The following SLC4A8 variants were observed in gnomAD, a reference collection of about 807,000 sequenced individuals.
SLC4A8 encodes the protein solute carrier family 4 member 8.
A neutral mutation model predicts 125.0 loss-of-function variants in SLC4A8; 40 were observed. The observed-to-expected ratio is 0.32, with a 90% confidence interval of 0.25 to 0.42. The LOEUF is 0.42. Among genes scored for constraint, SLC4A8 ranks in the 10% least tolerant of loss-of-function variants. The probability of loss-of-function intolerance (pLI) is 1.00; values close to 1 mark genes in which losing one functional copy is unlikely to be tolerated. For missense variants in SLC4A8, 863 were observed against 1,355.1 expected (o/e 0.64, Z 5.70); for synonymous variants, 456 against 476.0 (o/e 0.96, Z 0.55).
At chr12:51,416,918 A>G (rs1169309184) in intron 1 of SLC4A8, among the ~76,000 whole-genome samples, 4 of 152,118 alleles carry the variant, frequency 2.6e-5, no homozygotes, top group Non-Finnish European at 5.9e-5. Context: ...TGAGCTCAGG[A>G]GTTCAAAACC....
At chr12:51,400,853 C>T (rs1330384239) in intron 1 of SLC4A8, among the ~76,000 whole-genome samples, 8 of 125,654 alleles carry the variant, frequency 6.4e-5, no homozygotes, top group East Asian at 2.3e-4. Flanking sequence ...TGTTTATATA[C>T]GTATATAAAC....
chr12:51,505,563 G>A (rs980217438), intron 23 of SLC4A8, among the ~76,000 whole-genome samples: 1 of 152,196 alleles, frequency 6.6e-6, no homozygotes, highest in Non-Finnish European at 1.5e-5. Context: ...GAGGCCCTTC[G>A]GAGGAGTGCA....
chr12:51,497,014 G>C lies in SLC4A8; in HGVS notation c.2971G>C (p.Val991Leu). ...MVLALVFVRK[V>L]MDLCFSKREL... ...TTTGGCCTTGGTCTTTGTCAGGAAA[G>C]TCATGGATCTCTGTTTCTCTAAGCG... Residue 991 changes from valine to leucine, a missense_variant, in exon 22 of 25, where the codon GTC (valine) becomes CTC (leucine). Around this residue, in one of 6 missense-constraint regions of SLC4A8, gnomAD observed 92 missense variants for 125.6 expected, o/e 0.73. Transcript: ENST00000453097. 1 of 1,613,918 alleles carries C rather than the reference G, an allele frequency of 6.2e-7. No homozygotes were observed. The highest frequency in any genetic ancestry group is 1.1e-5 in the South Asian group (1 of 91,046).
rs1950272839 is a variant in SLC4A8, at chr12:51,459,996, T to G, written c.901T>G (p.Ser301Ala). The G allele has an allele frequency of 1.2e-6, 2 of 1,613,648 alleles. No homozygotes were observed. The highest frequency in any genetic ancestry group is 1.7e-6 in the Non-Finnish European group (2 of 1,179,506). ...AAAAATTCCTACTGGGGCCGAGGCC[T>G]CCAATGTCCTGGTTGGAGAGGTGGA... ...MKKIPTGAEA[S>A]NVLVGEVDIL... Residue 301 changes from serine (S) to alanine (A), a missense_variant, in exon 8 of 25, where the codon TCC (serine) becomes GCC (alanine). Coordinates refer to ENST00000453097, the MANE Select transcript of SLC4A8 (RefSeq NM_001039960.3).
intron 1 of SLC4A8, among the ~76,000 whole-genome samples, chr12:51,430,967 C>G (rs558629745): frequency 6.6e-6 from 1 of 152,324 alleles, no homozygotes; most frequent in Admixed American, 6.5e-5. Flanking sequence ...TCCTACAGTT[C>G]TATAGTTCAG....
chr12:51,489,087 A>G (rs1303472536), intron 18 of SLC4A8, among the ~76,000 whole-genome samples: 2 of 152,178 alleles, frequency 1.3e-5, no homozygotes, highest in Non-Finnish European at 2.9e-5. Flanking sequence ...ACCTGTGGGG[A>G]AGGTGATTGG....
chr12:51,424,076 A>C (rs12579513), upstream of SLC4A8, among the ~76,000 whole-genome samples: 427 of 126,348 alleles, frequency 3.4e-3, 7 homozygotes, highest in African/African-American at 0.011. Flanking sequence ...CAAAAAAAAA[A>C]CAAAAAAAAC....
chr12:51,475,604 C>A (rs959442945), intron 16 of SLC4A8, among the ~76,000 whole-genome samples: 5 of 152,208 alleles, frequency 3.3e-5, no homozygotes, highest in African/African-American at 1.2e-4. Flanking sequence ...ACCCAAAAAT[C>A]TTCTCCCAGG....
intron 19 of SLC4A8, among the ~76,000 whole-genome samples, chr12:51,490,405 C>T (rs780587024): frequency 1.3e-5 from 2 of 151,444 alleles, no homozygotes; most frequent in Non-Finnish European, 2.9e-5. Context: ...AATACAAAAA[C>T]AAAATTAGCC....
chr12:51,492,526 G>A (rs985777396), intron 19 of SLC4A8, among the ~76,000 whole-genome samples: 4 of 152,148 alleles, frequency 2.6e-5, no homozygotes, highest in Non-Finnish European at 4.4e-5. Flanking sequence ...ATGAAGGCGC[G>A]GCAGTGGCCA....
At chr12:51,478,795 A>G (rs7974841) in intron 16 of SLC4A8, among the ~76,000 whole-genome samples, 73,616 of 152,146 alleles carry the variant, frequency 0.48, 18,143 homozygotes, top group Non-Finnish European at 0.53. Flanking sequence ...TGAATTGTGA[A>G]CAATCAGGAT....
intron 1 of SLC4A8, among the ~76,000 whole-genome samples, chr12:51,435,633 CAAATA>C (rs1949383039): frequency 1.3e-5 from 2 of 152,190 alleles, no homozygotes; most frequent in South Asian, 4.2e-4. Flanking sequence ...AATAAATAAA[CAAATA>C]AAATAAAAGT....
At chr12:51,425,991 G>C (rs1319193701) in intron 1 of SLC4A8, among the ~76,000 whole-genome samples, 1 of 152,164 alleles carries the variant, frequency 6.6e-6, no homozygotes, top group East Asian at 1.9e-4. Flanking sequence ...ATCAGATGGT[G>C]TGGTTTCTGC....
chr12:51,479,132 G>T (rs145867673), intron 16 of SLC4A8, among the ~76,000 whole-genome samples: 1 of 152,272 alleles, frequency 6.6e-6, no homozygotes, highest in East Asian at 1.9e-4. Context: ...GGCAGGAGGG[G>T]AGCTCATGGT....
In SLC4A8 at chr12:51,513,331, C is replaced by G. The variant is rs1938427551; in HGVS notation, c.*5893C>G. 1 of 152,238 alleles carries G rather than the reference C, an allele frequency of 6.6e-6. No individual in the cohort carries two copies. Among genetic ancestry groups the G allele is most frequent in the Non-Finnish European group, 1.5e-5 (1 of 68,044 alleles). 9.4% of individuals were successfully genotyped at this position (152,238 alleles called of 1,614,324 possible). On this transcript the variant is annotated 3_prime_UTR_variant, in exon 25 of 25. Transcript: ENST00000453097. Reference sequence around the variant, plus strand: ...TGATCTTTCCACATACAGCTCCTGTCCCCATCTCTTTATGTGTAGAGACCT... The same window carrying G: ...TGATCTTTCCACATACAGCTCCTGTGCCCATCTCTTTATGTGTAGAGACCT...
chr12:51,439,265 C>T (rs1949517621), intron 1 of SLC4A8, among the ~76,000 whole-genome samples: 2 of 152,122 alleles, frequency 1.3e-5, no homozygotes, highest in South Asian at 4.1e-4. Flanking sequence ...CCATGTTGGT[C>T]AGGCCAGTCT....
At chr12:51,400,610 TCTGTGAATCCTTTA>T (rs1240779732) in intron 1 of SLC4A8, among the ~76,000 whole-genome samples, 3 of 150,022 alleles carry the variant, frequency 2.0e-5, no homozygotes, top group African/African-American at 7.4e-5. Context: ...ACCTCAGGGG[TCTGTGAATCCTTTA>T]ACCACTCAAT....
At chr12:51,496,487 A>G (rs1951462683) in intron 21 of SLC4A8, among the ~76,000 whole-genome samples, 1 of 152,218 alleles carries the variant, frequency 6.6e-6, no homozygotes, top group Non-Finnish European at 1.5e-5. Flanking sequence ...AGGCCAGGCC[A>G]GAGGGCAAAG....
chr12:51,501,661 G>A (rs1937891160), intron 22 of SLC4A8, among the ~76,000 whole-genome samples: 1 of 152,000 alleles, frequency 6.6e-6, no homozygotes, highest in Non-Finnish European at 1.5e-5. Flanking sequence ...TTTTCCTTTG[G>A]GTATATACCA....
Sources: allele counts gnomAD v4.1 joint callset (sites outside exome capture counted in the v4.1 genomes callset), GRCh38; gene constraint gnomAD v4.1.1; regional missense constraint gnomAD v4.1.1; transcripts MANE v1.5; gene names NCBI Gene and HGNC (gene_info 2026-07-23, HGNC 2026-07-21).